The following IGF2BP3 variants were observed in gnomAD, a reference collection of about 807,000 sequenced individuals.
IGF2BP3 encodes insulin like growth factor 2 mRNA binding protein 3.
IGF2BP3 carries 9 observed loss-of-function variants against 73.8 expected under a neutral mutation model. That is an observed-to-expected ratio of 0.12 (90% confidence interval 0.07 to 0.21). The LOEUF is 0.21. Ranked by LOEUF, IGF2BP3 falls within the 10% of genes least tolerant of loss-of-function variation. The pLI is 1.00. For missense variants in IGF2BP3, 542 were observed against 714.0 expected (o/e 0.76, Z 2.75); for synonymous variants, 258 against 256.7 (o/e 1.01, Z -0.05).
At chr7:23,410,843 G>T (rs1416849996) in intron 3 of IGF2BP3, among the ~76,000 whole-genome samples, 2 of 152,196 alleles carry the variant, frequency 1.3e-5, no homozygotes, top group Admixed American at 1.3e-4. Flanking sequence ...AGAGCAACCT[G>T]ATTAAGAGGA....
At chr7:23,324,756 G>A (rs1305849655) in intron 10 of IGF2BP3, among the ~76,000 whole-genome samples, 1 of 105,136 alleles carries the variant, frequency 9.5e-6, no homozygotes, top group Non-Finnish European at 1.8e-5. Context: ...GGGATGCAAG[G>A]CTGGTTCAAT....
At chr7:23,468,120 G>C (rs1157720060) in intron 2 of IGF2BP3, among the ~76,000 whole-genome samples, 6 of 152,160 alleles carry the variant, frequency 3.9e-5, no homozygotes, top group Non-Finnish European at 7.3e-5. Context: ...CTCCTGGAGG[G>C]GTGGGGGAAT....
intron 8 of IGF2BP3, among the ~76,000 whole-genome samples, chr7:23,344,143 A>T (rs1784777578): frequency 6.6e-6 from 1 of 152,272 alleles, no homozygotes; most frequent in Non-Finnish European, 1.5e-5. Flanking sequence ...TCAACCGCTT[A>T]AAGTTGAACC....
chr7:23,321,002 C>T (rs1052910709), intron 10 of IGF2BP3, among the ~76,000 whole-genome samples: 1 of 151,028 alleles, frequency 6.6e-6, no homozygotes, highest in African/African-American at 2.4e-5. Flanking sequence ...AGGAAAAACC[C>T]AGTATGTATA....
At chr7:23,440,658 G>A (rs1241212945) in intron 2 of IGF2BP3, among the ~76,000 whole-genome samples, 2 of 152,154 alleles carry the variant, frequency 1.3e-5, no homozygotes, top group Non-Finnish European at 2.9e-5. Flanking sequence ...AAGCTATCCC[G>A]ACATACTGTC....
chr7:23,423,876 T>A (rs532397716), intron 2 of IGF2BP3, among the ~76,000 whole-genome samples: 2 of 152,232 alleles, frequency 1.3e-5, no homozygotes, highest in East Asian at 3.9e-4. Context: ...TCCCAGCACT[T>A]TGGGAGGCCG....
intron 5 of IGF2BP3, among the ~76,000 whole-genome samples, chr7:23,357,843 T>C (rs563711943): frequency 1.3e-5 from 2 of 152,302 alleles, no homozygotes; most frequent in South Asian, 2.1e-4. Flanking sequence ...GTCTTAAAGA[T>C]ACAGCCGTAT....
Position 23,311,024 on chromosome 7 carries a change from G to A in IGF2BP3, c.*1338C>T, listed in dbSNP as rs1783813007. 1 of 151,732 alleles carries A rather than the reference G, an allele frequency of 6.6e-6. No individual in the cohort carries two copies. The highest frequency in any genetic ancestry group is 1.5e-5 in the Non-Finnish European group (1 of 67,976). 9.4% of individuals were successfully genotyped at this position (151,732 alleles called of 1,614,324 possible). On this transcript the variant is annotated 3_prime_UTR_variant, in exon 15 of 15. Coordinates refer to ENST00000258729, the MANE Select transcript of IGF2BP3 (RefSeq NM_006547.3). ...AAATTATATCCCAAAAACTTTTCTT[G>A]TATTCTCTATCTTTTGACTTTTTTT...
intron 3 of IGF2BP3, among the ~76,000 whole-genome samples, chr7:23,390,991 G>T (rs1200966102): frequency 2.0e-5 from 3 of 151,268 alleles, no homozygotes; most frequent in Admixed American, 2.0e-4. Flanking sequence ...TAGAGACAGG[G>T]TTTAGCCATG....
At chr7:23,390,652 ACCTTTACCC>A (rs893105391) in intron 3 of IGF2BP3, among the ~76,000 whole-genome samples, 7 of 151,848 alleles carry the variant, frequency 4.6e-5, no homozygotes, top group African/African-American at 1.7e-4. Context: ...CAGCACAACC[ACCTTTACCC>A]CCTTTTCTCC....
At chr7:23,466,292 G>C (rs1211486120) in intron 2 of IGF2BP3, among the ~76,000 whole-genome samples, 1 of 152,150 alleles carries the variant, frequency 6.6e-6, no homozygotes, top group Non-Finnish European at 1.5e-5. Flanking sequence ...CAAAGTGCTG[G>C]GATTACAGGC....
rs2128490228 is a variant in IGF2BP3, at chr7:23,311,111, C to CT, written c.*1250dup. 6.6e-6 allele frequency: 1 copy of CT among 151,608 alleles called. No homozygotes were observed. Among genetic ancestry groups the CT allele is most frequent in the African/African-American group, 2.4e-5 (1 of 41,236 alleles). 9.4% of individuals were successfully genotyped at this position (151,608 alleles called of 1,614,324 possible). A position where few individuals can be genotyped will look rare whatever the true frequency, so the allele number is the denominator to read the frequency against. On this transcript the variant is annotated 3_prime_UTR_variant, in exon 15 of 15. Transcript: ENST00000258729. ...TATACTTTACTACTTAAGGTGGAGT[C>CT]TAATTTTTTTTTTTTAATTTATCAG... is the stretch of plus-strand genomic sequence containing the variant.
intron 3 of IGF2BP3, among the ~76,000 whole-genome samples, chr7:23,384,334 G>A (rs1219410855): frequency 1.3e-5 from 2 of 152,032 alleles, no homozygotes; most frequent in Non-Finnish European, 2.9e-5. Flanking sequence ...AATATCTGAA[G>A]GGTGCAGAAT....
chr7:23,377,694 A>C (rs537189223), intron 3 of IGF2BP3, among the ~76,000 whole-genome samples: 2 of 152,310 alleles, frequency 1.3e-5, no homozygotes, highest in Admixed American at 1.3e-4. Flanking sequence ...CATTCAATGG[A>C]AACAACCTAA....
At chr7:23,384,293 G>C (rs1786012444) in intron 3 of IGF2BP3, among the ~76,000 whole-genome samples, 1 of 151,978 alleles carries the variant, frequency 6.6e-6, no homozygotes, top group African/African-American at 2.4e-5. Context: ...TGGGGTGATA[G>C]GGGTTCAGTG....
chr7:23,392,416 C>A (rs1197179078), intron 3 of IGF2BP3, among the ~76,000 whole-genome samples: 3 of 141,120 alleles, frequency 2.1e-5, no homozygotes, highest in African/African-American at 8.0e-5. Context: ...AAAAAAAAGA[C>A]AAGGACAGCT....
chr7:23,440,156 G>C (rs558707545), intron 2 of IGF2BP3, among the ~76,000 whole-genome samples: 284 of 152,090 alleles, frequency 1.9e-3, no homozygotes, highest in African/African-American at 6.7e-3. Flanking sequence ...CCAGCTACTC[G>C]GGAGGCTGAG....
intron 3 of IGF2BP3, among the ~76,000 whole-genome samples, chr7:23,398,510 C>G (rs1228764760): frequency 6.6e-6 from 1 of 152,210 alleles, no homozygotes; most frequent in South Asian, 2.1e-4. Flanking sequence ...AATGGTTGAA[C>G]TAGTTTACAG....
intron 2 of IGF2BP3, among the ~76,000 whole-genome samples, chr7:23,455,399 G>T (rs965162176): frequency 6.6e-6 from 1 of 152,092 alleles, no homozygotes; most frequent in African/African-American, 2.4e-5. Flanking sequence ...GGGTGCACAC[G>T]GTTATTAGCC....
Sources: allele counts gnomAD v4.1 joint callset (sites outside exome capture counted in the v4.1 genomes callset), GRCh38; gene constraint gnomAD v4.1.1; transcripts MANE v1.5; gene names NCBI Gene and HGNC (gene_info 2026-07-23, HGNC 2026-07-21).